The following KDM4B variants were observed in gnomAD, a reference collection of about 807,000 sequenced individuals.
The protein encoded by KDM4B is lysine-specific demethylase 4B.
In KDM4B, 32 loss-of-function variants were observed where a neutral mutation model predicts 125.2. The observed-to-expected ratio is 0.26, with a 90% CI of 0.19 to 0.34. The LOEUF is 0.34. Ranked by LOEUF, KDM4B falls within the 10% of genes least tolerant of loss-of-function variation. The pLI, the probability that KDM4B is intolerant of heterozygous loss-of-function variation, is 1.00. For missense variants in KDM4B, 1,190 were observed against 1,577.7 expected (o/e 0.75, Z 4.16); for synonymous variants, 721 against 677.9 (o/e 1.06, Z -0.99).
chr19:5,072,013 C>T (rs971939674), intron 7 of KDM4B, among the ~76,000 whole-genome samples: 5 of 152,172 alleles, frequency 3.3e-5, no homozygotes, highest in African/African-American at 1.2e-4. Flanking sequence ...TGAGAGGGCC[C>T]TGTCCGAGCA....
chr19:5,144,663 G>A (rs2146104273), intron 20 of KDM4B, 120 bp from the exon 21 acceptor site: 2 of 1,439,304 alleles, frequency 1.4e-6, no homozygotes, highest in East Asian at 2.3e-5. Context: ...GGCCCCCGCA[G>A]CCAGCTTTGG....
chr19:5,145,042 A>T, intron 21 of KDM4B, 140 bp downstream of exon 21: 1 of 1,101,372 alleles, frequency 9.1e-7, no homozygotes, highest in Non-Finnish European at 1.3e-6. Context: ...TGAGGCCCGC[A>T]GGACCCAGCT....
In KDM4B at chr19:5,119,461, C is replaced by T. The variant is rs74830693; in HGVS notation, c.1116-192C>T. ...CTCCCTTTGGTCTCTCCTCCCAACA[C>T]GGCTCCTGCCCCGCAAGAGCAGAAC... On this transcript the variant is annotated intron_variant, in intron 10 of 22. Transcript: ENST00000159111. 6.0e-3 allele frequency among the ~76,000 whole-genome samples: 915 copies of T among 152,342 alleles called. 4 individuals carry two copies. Among genetic ancestry groups the T allele is most frequent in the Non-Finnish European group, 0.011 (731 of 68,024 alleles).
chr19:5,060,473 G>GAT (rs2037558688), intron 6 of KDM4B, among the ~76,000 whole-genome samples: 1 of 127,644 alleles, frequency 7.8e-6, no homozygotes, highest in Non-Finnish European at 1.7e-5. Flanking sequence ...AGGGAGCCAT[G>GAT]ATTGTTCTCC....
chr19:5,071,071 C>T lies in KDM4B; in HGVS notation c.676+12C>T. 1 of 1,612,042 alleles carries T rather than the reference C, an allele frequency of 6.2e-7. No homozygotes were observed. Among genetic ancestry groups the T allele is most frequent in the Non-Finnish European group, 8.5e-7 (1 of 1,179,308 alleles). On this transcript the variant is annotated intron_variant, in intron 7 of 22. Coordinates refer to ENST00000159111, the MANE Select transcript of KDM4B (RefSeq NM_015015.3). The stretch of plus-strand genomic sequence containing the variant: ...GCGGCTGGCCATCGGTAGGTGCCTG[C>T]CCTGAGGGCCCCAGGGACCTGGGAC...
At chr19:4,991,402 C>G (rs1338903798) in intron 1 of KDM4B, among the ~76,000 whole-genome samples, 1 of 151,792 alleles carries the variant, frequency 6.6e-6, no homozygotes, top group Non-Finnish European at 1.5e-5. Context: ...TCACTTGAGT[C>G]CAGTAGTTCG....
intron 10 of KDM4B, among the ~76,000 whole-genome samples, chr19:5,118,419 G>A (rs1025410363): frequency 2.0e-5 from 3 of 152,306 alleles, no homozygotes; most frequent in South Asian, 4.1e-4. Context: ...CGGGCTGTGC[G>A]GCCTCGAGCT....
chr19:4,979,568 T>C (rs1364293888), intron 1 of KDM4B, among the ~76,000 whole-genome samples: 1 of 152,080 alleles, frequency 6.6e-6, no homozygotes, highest in Non-Finnish European at 1.5e-5. Context: ...AGTGTGATCA[T>C]GGGGACATGA....
chr19:5,135,360 G>A lies in KDM4B; in HGVS notation c.2107G>A (p.Ala703Thr). ...YCQALQTEKE[A>T]PIASLGEGCP... ...ACAGGCCCTACAGACTGAGAAGGAG[G>A]CACCCATAGCCTCCCTCGGAGAGGG... Residue 703 changes from alanine to threonine, a missense_variant, in exon 15 of 23, where the codon GCA (alanine) becomes ACA (threonine). By Grantham distance (58) the Ala-to-Thr change is moderately conservative (BLOSUM62 0). Coordinates refer to ENST00000159111, the MANE Select transcript of KDM4B (RefSeq NM_015015.3). The A allele has an allele frequency of 2.5e-6, 4 of 1,612,910 alleles. No homozygotes were observed. Among genetic ancestry groups the A allele is most frequent in the Non-Finnish European group, 3.4e-6 (4 of 1,179,618 alleles).
rs772892778 is a variant in KDM4B at position 5,100,504 on chromosome 19, T to C, written c.919-10118T>C. Among the ~76,000 whole-genome samples the C allele has an allele frequency of 3.3e-5, 5 of 152,270 alleles. No homozygotes were observed. The East Asian group carries it at 5.8e-4, about 18-fold the overall frequency. On this transcript the variant is annotated intron_variant, in intron 9 of 22. Coordinates refer to ENST00000159111, the MANE Select transcript of KDM4B (RefSeq NM_015015.3). ...GTGCAGTGGTGCAGTCATAGCTCAC[T>C]GCAGCCTCAAACTCCTAGGCTCAAG...
intron 5 of KDM4B, among the ~76,000 whole-genome samples, chr19:5,042,749 C>T (rs377420855): frequency 4.6e-5 from 7 of 151,266 alleles, no homozygotes; most frequent in Non-Finnish European, 7.4e-5. Flanking sequence ...AGGACAGCAC[C>T]GCGGGGATGG....
Position 5,047,679 on chromosome 19 carries a change from T to G in KDM4B, c.626+10T>G, listed in dbSNP as rs1284340518. The stretch of plus-strand genomic sequence containing the variant: ...GGGAGCCTAAGTCCTGGTGAGTGTC[T>G]GCACTGGCCCTGCCGCCGGCCGGAC... On this transcript the variant is annotated intron_variant, in intron 6 of 22. Transcript: ENST00000159111. The G allele has an allele frequency of 6.2e-7, 1 of 1,612,052 alleles. No homozygotes were observed. Among genetic ancestry groups the G allele is most frequent in the Non-Finnish European group, 8.5e-7 (1 of 1,178,534 alleles).
At position 5,124,145 on chromosome 19, in the gene KDM4B, G is replaced by A. The variant is rs529439890; in HGVS notation, c.1315+4293G>A. On this transcript the variant is annotated intron_variant, in intron 11 of 22. Coordinates refer to ENST00000159111, the MANE Select transcript of KDM4B (RefSeq NM_015015.3). Reference sequence around the variant, plus strand: ...AGATGGGTGAGTTATGGGAAAACAAGCAGGCAGAGAAAGATCCAGGCTTGG... The same window carrying A: ...AGATGGGTGAGTTATGGGAAAACAAACAGGCAGAGAAAGATCCAGGCTTGG... 4.0e-4 allele frequency among the ~76,000 whole-genome samples: 61 copies of A among 152,262 alleles called. 2 individuals carry two copies. Among genetic ancestry groups the A allele is most frequent in the African/African-American group, 1.4e-3 (59 of 41,542 alleles).
intron 11 of KDM4B, among the ~76,000 whole-genome samples, chr19:5,130,333 C>T (rs2039519949): frequency 6.6e-6 from 1 of 152,230 alleles, no homozygotes; most frequent in Admixed American, 6.5e-5. Flanking sequence ...AGCCAGGCTG[C>T]TCATCCCAGT....
chr19:5,149,934 G>A (rs1175940323), intron 21 of KDM4B, among the ~76,000 whole-genome samples: 2 of 152,022 alleles, frequency 1.3e-5, no homozygotes, highest in Non-Finnish European at 2.9e-5. Context: ...GAGTCCGCCT[G>A]TCCGGCCTCC....
intron 12 of KDM4B, 97 bp downstream of exon 12, chr19:5,131,642 A>AG (rs200591721): frequency 0.01 from 1,101 of 106,360 alleles, 5 homozygotes; most frequent in East Asian, 0.019. Flanking sequence ...GTGGCGGGGG[A>AG]GGGGGCAGGG....
intron 2 of KDM4B, among the ~76,000 whole-genome samples, chr19:5,026,934 C>T (rs1397308452): frequency 6.6e-6 from 1 of 152,188 alleles, no homozygotes; most frequent in Non-Finnish European, 1.5e-5. Flanking sequence ...TGGGGCAGGG[C>T]GGTGGGAGCA....
In KDM4B at chr19:5,131,906, A is replaced by G; in HGVS notation, c.1805A>G (p.Lys602Arg). Reference protein sequence around the residue: ...GEGQAPSTFSKLKMEIKKSRR... With the variant: ...GEGQAPSTFSRLKMEIKKSRR... ...TTTCAGGCACCGTCCACATTTTCCA[A>G]ATTGAAGATGGAGATCAAGAAGAGC... Residue 602 changes from lysine to arginine, a missense_variant, in exon 13 of 23, where the codon AAA (lysine) becomes AGA (arginine). Coordinates refer to ENST00000159111, the MANE Select transcript of KDM4B (RefSeq NM_015015.3). 1.2e-6 allele frequency: 2 copies of G among 1,612,658 alleles called. No individual in the cohort carries two copies. Among genetic ancestry groups the G allele is most frequent in the Non-Finnish European group, 1.7e-6 (2 of 1,179,852 alleles).
At chr19:4,970,453 G>T (rs2034216085) in intron 1 of KDM4B, among the ~76,000 whole-genome samples, 1 of 151,986 alleles carries the variant, frequency 6.6e-6, no homozygotes, top group African/African-American at 2.4e-5. Flanking sequence ...GGGTCCCACC[G>T]GGTGCCTGCA....
Sources: allele counts gnomAD v4.1 joint callset (sites outside exome capture counted in the v4.1 genomes callset), GRCh38; gene constraint gnomAD v4.1.1; transcripts MANE v1.5; gene names NCBI Gene and HGNC (gene_info 2026-07-23, HGNC 2026-07-21).